Variants in ECPAS observed in about 807,000 individuals in gnomAD.
ECPAS encodes proteasome adapter and scaffold protein ECM29.
A neutral mutation model predicts 255.1 loss-of-function variants in ECPAS; 70 were observed. The ratio of observed to expected loss-of-function variants is 0.27; its 90% confidence interval spans 0.23 to 0.33. The LOEUF is 0.33. Among genes scored for constraint, ECPAS ranks in the 10% least tolerant of loss-of-function variants. The probability of loss-of-function intolerance (pLI) is 1.00; values close to 1 mark genes in which losing one functional copy is unlikely to be tolerated. For synonymous variants in ECPAS, 784 were observed against 775.0 expected, an observed-to-expected ratio of 1.01 and a Z score of -0.19; for missense variants, 1,817 against 2,206.4, an observed-to-expected ratio of 0.82 and a Z score of 3.54.
At chr9:111,442,758 C>G (rs981696441) in intron 4 of ECPAS, among the ~76,000 whole-genome samples, 2 of 152,164 alleles carry the variant, frequency 1.3e-5, no homozygotes, top group Non-Finnish European at 2.9e-5. Flanking sequence ...ACCAGATCTC[C>G]CAGTCTGTTG....
At chr9:111,416,509 G>A (rs191349068) in intron 17 of ECPAS, among the ~76,000 whole-genome samples, 157 bp from the exon 18 acceptor site, 213 of 152,198 alleles carry the variant, frequency 1.4e-3, no homozygotes, top group Admixed American at 2.5e-3. Flanking sequence ...CATGCTGATC[G>A]TGCATGTCCC....
intron 46 of ECPAS, 129 bp from the exon 47 acceptor site, chr9:111,366,756 G>A (rs2098120815): frequency 1.6e-6 from 1 of 619,014 alleles, no homozygotes; most frequent in Non-Finnish European, 2.9e-6. Context: ...AGGTGGGGAG[G>A]ATAAGAGAGA....
At chr9:111,378,455 C>T (rs988965954) in intron 36 of ECPAS, 125 bp downstream of exon 36, 9 of 958,168 alleles carry the variant, frequency 9.4e-6, no homozygotes, top group Non-Finnish European at 1.3e-5. Flanking sequence ...CAGTAAAACA[C>T]TGCATGTGGT....
chr9:111,380,503 T>C (rs951377917), intron 35 of ECPAS, among the ~76,000 whole-genome samples: 2 of 152,236 alleles, frequency 1.3e-5, no homozygotes, highest in Admixed American at 6.5e-5. Flanking sequence ...CTTAAGGCTT[T>C]AGGATTTTCA....
At chr9:111,436,861 A>T in intron 7 of ECPAS, 79 bp downstream of exon 7, 1 of 1,229,400 alleles carries the variant, frequency 8.1e-7, no homozygotes, top group Non-Finnish European at 1.1e-6. Flanking sequence ...TACTAGAATT[A>T]TGTTTTATAC....
At chr9:111,414,355 AT>A in intron 19 of ECPAS, 73 bp downstream of exon 19, 2 of 1,308,210 alleles carry the variant, frequency 1.5e-6, no homozygotes. Flanking sequence ...TTTGCTATAA[AT>A]TCTTAGCAAA....
intron 1 of ECPAS, among the ~76,000 whole-genome samples, chr9:111,482,196 CTG>C (rs891887994): frequency 1.3e-5 from 2 of 152,192 alleles, no homozygotes; most frequent in African/African-American, 4.8e-5. Context: ...GAAGAGCAAT[CTG>C]TAGCCCGCTT....
At chr9:111,483,567 G>A (rs1419604506) in intron 1 of ECPAS, 4 of 866,772 alleles carry the variant, frequency 4.6e-6, no homozygotes, top group Non-Finnish European at 4.1e-6. Flanking sequence ...GGGAACGAGG[G>A]AGGGGCTGGG....
intron 37 of ECPAS, among the ~76,000 whole-genome samples, 185 bp downstream of exon 37, chr9:111,376,291 G>A (rs2098133293): frequency 1.3e-5 from 2 of 152,018 alleles, no homozygotes; most frequent in African/African-American, 4.8e-5. Context: ...TGGTATTTGG[G>A]GAATTATTTA....
intron 2 of ECPAS, among the ~76,000 whole-genome samples, chr9:111,463,755 A>G (rs958792655): frequency 2.0e-5 from 3 of 151,470 alleles, no homozygotes; most frequent in Non-Finnish European, 2.9e-5. Context: ...TACACATCAG[A>G]AAAAAAAAGA....
At chr9:111,471,150 T>C (rs1249515334) in intron 2 of ECPAS, among the ~76,000 whole-genome samples, 1 of 152,216 alleles carries the variant, frequency 6.6e-6, no homozygotes, top group Non-Finnish European at 1.5e-5. Flanking sequence ...TAAATCACTA[T>C]TTAAATCCTA....
intron 24 of ECPAS, among the ~76,000 whole-genome samples, chr9:111,402,442 T>G (rs1372054932): frequency 6.6e-6 from 1 of 152,180 alleles, no homozygotes; most frequent in African/African-American, 2.4e-5. Flanking sequence ...CTTTATAGAG[T>G]ATTCTAAAGA....
intron 6 of ECPAS, among the ~76,000 whole-genome samples, chr9:111,439,704 G>A (rs2098243160): frequency 1.3e-5 from 2 of 152,168 alleles, no homozygotes; most frequent in East Asian, 1.9e-4. Flanking sequence ...ATGCATGAGT[G>A]TATTAATGAC....
At chr9:111,459,331 T>A (rs574724976) in intron 2 of ECPAS, among the ~76,000 whole-genome samples, 1 of 152,192 alleles carries the variant, frequency 6.6e-6, no homozygotes, top group Admixed American at 6.5e-5. Flanking sequence ...CCTCAAGCGA[T>A]CCTCCTGCCT....
At chr9:111,385,493 A>G (rs1408156753) in intron 32 of ECPAS, 51 bp from the exon 33 acceptor site, 3 of 992,342 alleles carry the variant, frequency 3.0e-6, no homozygotes, top group Non-Finnish European at 4.6e-6. Flanking sequence ...TCAGTATTTT[A>G]CTATGAAACA....
intron 24 of ECPAS, among the ~76,000 whole-genome samples, chr9:111,403,360 GAA>G (rs57484942): frequency 0.015 from 1,896 of 124,538 alleles, 15 homozygotes; most frequent in African/African-American, 0.043. Flanking sequence ...ATCTCCGAAA[GAA>G]AAAAAAAAAG....
chr9:111,423,228 C>A lies in ECPAS; in HGVS notation c.1236G>T (p.Met412Ile). The A allele has an allele frequency of 6.4e-7, 1 of 1,559,368 alleles. No homozygotes were observed. Residue 412 changes from methionine to isoleucine, a missense_variant, in exon 13 of 50, where the codon ATG becomes ATT. Physicochemically the swap from Met to Ile is conservative, Grantham distance 10 (BLOSUM62 1). This residue lies in a region of ECPAS where 573 missense variants were observed against 716.2 expected (regional missense o/e 0.80). Transcript: ENST00000684092. ...EYKEDPKLLS[M>I]AYSAVGKLSS... ...AGAGTTTTCCAACAGCTGAATATGCCATTGACAGTAGTTTAGGGTCCTTGA... is the reference window on the plus strand; with the variant it reads ...AGAGTTTTCCAACAGCTGAATATGCAATTGACAGTAGTTTAGGGTCCTTGA...
Position 111,366,250 on chromosome 9 carries a change from G to C in ECPAS, c.5297C>G (p.Thr1766Arg). ...EILLETCKSI[T>R]YSLENKTYSS... ...TTTACTACACTCACCTAAAGAATAT[G>C]TGATTGATTTACAAGTTTCAAGCAG... Residue 1766 changes from threonine to arginine, a missense_variant, in exon 48 of 50, where the codon ACA becomes AGA. Around this residue, in one of 4 missense-constraint regions of ECPAS, gnomAD observed 960 missense variants for 1,179.0 expected, o/e 0.81. Coordinates refer to ENST00000684092, the MANE Select transcript of ECPAS (RefSeq NM_001364929.1). 1 of 1,566,656 alleles carries C rather than the reference G, an allele frequency of 6.4e-7. No homozygotes were observed. Among genetic ancestry groups the C allele is most frequent in the Non-Finnish European group, 8.7e-7 (1 of 1,153,316 alleles).
intron 1 of ECPAS, chr9:111,483,584 G>A (rs1231260426): frequency 7.0e-6 from 4 of 575,316 alleles, no homozygotes; most frequent in Admixed American, 6.5e-5. Flanking sequence ...TGGGGGGGCA[G>A]GGCGCGGCCG....
Sources: allele counts gnomAD v4.1 joint callset (sites outside exome capture counted in the v4.1 genomes callset), GRCh38; gene constraint gnomAD v4.1.1; regional missense constraint gnomAD v4.1.1; transcripts MANE v1.5; gene names NCBI Gene and HGNC (gene_info 2026-07-23, HGNC 2026-07-21).